Variants in ZBTB40 observed in about 807,000 individuals in gnomAD.
ZBTB40 encodes zinc finger and BTB domain-containing protein 40.
ZBTB40 carries 60 observed loss-of-function variants against 117.5 expected under a neutral mutation model. The observed-to-expected ratio is 0.51, with a 90% CI of 0.41 to 0.63. The LOEUF is 0.63. Among genes scored for constraint, ZBTB40 ranks in the 30% least tolerant of loss-of-function variants. ZBTB40 has a pLI of 0.00. For missense variants in ZBTB40, 1,287 were observed against 1,498.5 expected, an observed-to-expected ratio of 0.86 and a Z score of 2.33; for synonymous variants, 525 against 577.1, an observed-to-expected ratio of 0.91 and a Z score of 1.29.
At chr1:22,510,849 A>G (rs1029215577) in intron 9 of ZBTB40, among the ~76,000 whole-genome samples, 2 of 152,218 alleles carry the variant, frequency 1.3e-5, no homozygotes, top group African/African-American at 4.8e-5. Flanking sequence ...TCAAGCTTTT[A>G]GTATTAAGAT....
Position 22,516,901 on chromosome 1 carries a change from C to G in ZBTB40, c.2669-399C>G, listed in dbSNP as rs114886349. On this transcript the variant is annotated intron_variant, in intron 12 of 17. Coordinates refer to ENST00000375647, the MANE Select transcript of ZBTB40 (RefSeq NM_014870.4). ...TTCATTCCTCTCTGAATCCACGACTCTCACCTTTGTGCACAGTTGCAGATC... is the reference window on the plus strand; with the variant it reads ...TTCATTCCTCTCTGAATCCACGACTGTCACCTTTGTGCACAGTTGCAGATC... Among the ~76,000 whole-genome samples the G allele has an allele frequency of 1.8e-3, 270 of 151,944 alleles. 2 individuals are homozygous for G. Among genetic ancestry groups the G allele is most frequent in the African/African-American group, 6.3e-3 (262 of 41,418 alleles).
intron 16 of ZBTB40, among the ~76,000 whole-genome samples, chr1:22,522,968 G>C (rs12028525): frequency 1.7e-5 from 1 of 59,640 alleles, no homozygotes; most frequent in South Asian, 8.0e-4. Context: ...TTTTTTTTGA[G>C]ATGGAGTCTC....
At chr1:22,522,945 C>CTTTTTTTTTTTTTTTT (rs34232963) in intron 16 of ZBTB40, among the ~76,000 whole-genome samples, 3 of 93,910 alleles carry the variant, frequency 3.2e-5, no homozygotes, top group African/African-American at 3.9e-5. Flanking sequence ...TAAGATGTAC[C>CTTTTTTTTTTTTTTTT]TTTTTTTTTT....
chr1:22,522,822 G>A (rs1213300451), intron 16 of ZBTB40, among the ~76,000 whole-genome samples: 1 of 150,782 alleles, frequency 6.6e-6, no homozygotes, highest in Admixed American at 6.6e-5. Context: ...CTGGAGTGCA[G>A]TGGTGCGATC....
At chr1:22,467,391 A>T (rs1641281401) in intron 1 of ZBTB40, among the ~76,000 whole-genome samples, 1 of 152,182 alleles carries the variant, frequency 6.6e-6, no homozygotes, top group Non-Finnish European at 1.5e-5. Context: ...TTGTTTCCTA[A>T]AAAGTTTTAC....
At chr1:22,452,678 G>C (rs1640909775) in intron 1 of ZBTB40, 1 of 152,264 alleles carries the variant, frequency 6.6e-6, no homozygotes, top group Admixed American at 6.5e-5. Flanking sequence ...ACTGACCCCT[G>C]CCCTAAACAC....
At chr1:22,432,355 C>T (rs892407703) in intron 1 of ZBTB40, among the ~76,000 whole-genome samples, 24 of 152,238 alleles carry the variant, frequency 1.6e-4, no homozygotes, top group African/African-American at 5.8e-4. Context: ...CTCTCCTAAC[C>T]TTGTCCCTTC....
At chr1:22,517,169 C>T in intron 12 of ZBTB40, 131 bp from the exon 13 acceptor site, 1 of 1,307,034 alleles carries the variant, frequency 7.7e-7, no homozygotes. Flanking sequence ...CAGCGTATTG[C>T]AGACTGCCTG....
chr1:22,514,019 G>A (rs2124462339), intron 12 of ZBTB40, among the ~76,000 whole-genome samples: 1 of 152,346 alleles, frequency 6.6e-6, no homozygotes, highest in African/African-American at 2.4e-5. Context: ...ATTCCTGTGT[G>A]CCCATAGCTT....
At position 22,530,716 on chromosome 1, in the gene ZBTB40, G is replaced by C. The variant is rs1373862406; in HGVS notation, c.*4320G>C. 1 of 152,284 alleles carries C rather than the reference G, an allele frequency of 6.6e-6. No homozygotes were observed. The highest frequency in any genetic ancestry group is 1.9e-4 in the East Asian group (1 of 5,314). The allele number at this position is 152,284 out of a possible 1,614,324, so 9.4% of individuals were successfully genotyped here. ...AATTAGGCTACATGAGTTTCAAATG[G>C]ACTGTGATGTTATAGACCTGCTTTC... On this transcript the variant is annotated 3_prime_UTR_variant, in exon 18 of 18. Coordinates refer to ENST00000375647, the MANE Select transcript of ZBTB40 (RefSeq NM_014870.4).
At chr1:22,508,781 T>G in intron 8 of ZBTB40, 50 bp downstream of exon 8, 4 of 1,561,378 alleles carry the variant, frequency 2.6e-6, no homozygotes, top group Non-Finnish European at 3.5e-6. Flanking sequence ...GAGATGACTG[T>G]CAGTCTTCCT....
At chr1:22,515,735 T>G (rs1323385337) in intron 12 of ZBTB40, among the ~76,000 whole-genome samples, 1 of 152,176 alleles carries the variant, frequency 6.6e-6, no homozygotes, top group Admixed American at 6.5e-5. Context: ...AAAGTCCTTT[T>G]GCCATGTATG....
chr1:22,450,996 T>C (rs1163485719), upstream of ZBTB40, among the ~76,000 whole-genome samples: 1 of 152,152 alleles, frequency 6.6e-6, no homozygotes, highest in Non-Finnish European at 1.5e-5. Context: ...TACTGCTGGA[T>C]CTGATTTAAA....
At position 22,506,222 on chromosome 1, in the gene ZBTB40, C is replaced by T; in HGVS notation, c.1341C>T (p.Ala447=). 1.2e-6 allele frequency: 2 copies of T among 1,614,176 alleles called. No individual in the cohort carries two copies. Among genetic ancestry groups the T allele is most frequent in the Non-Finnish European group, 1.7e-6 (2 of 1,180,034 alleles). ...GLLLEKLQKS[A]TLPSTTVQPS... ...TGCTAGAGAAGTTGCAGAAATCAGC[C>T]ACTTTGCCAAGCACCACAGGTATTA... Residue 447 remains alanine (A), a synonymous_variant, in exon 6 of 18, where the codon GCC becomes GCT. Transcript: ENST00000375647.
chr1:22,507,641 T>C (rs72873538), intron 6 of ZBTB40, among the ~76,000 whole-genome samples: 233 of 152,302 alleles, frequency 1.5e-3, no homozygotes, highest in African/African-American at 5.4e-3. Flanking sequence ...TGCTCGTCTT[T>C]AGGATCGCCA....
intron 12 of ZBTB40, 124 bp from the exon 13 acceptor site, chr1:22,517,176 C>T: frequency 2.2e-6 from 3 of 1,370,132 alleles, no homozygotes; most frequent in Non-Finnish European, 3.1e-6. Context: ...TTGCAGACTG[C>T]CTGATGTTTT....
At chr1:22,438,012 C>T (rs934917949) in intron 1 of ZBTB40, among the ~76,000 whole-genome samples, 1 of 152,076 alleles carries the variant, frequency 6.6e-6, no homozygotes, top group Non-Finnish European at 1.5e-5. Flanking sequence ...TGCCGGTAAT[C>T]CCAGCTACTT....
Position 22,507,992 on chromosome 1 carries a change from T to C in ZBTB40, c.1361-9T>C. 1 of 1,614,128 alleles carries C rather than the reference T, an allele frequency of 6.2e-7. No homozygotes were observed. The highest frequency in any genetic ancestry group is 2.2e-5 in the East Asian group (1 of 44,876). ...ATCAAACATTATTGTTTTGCTAATA[T>C]CCTTACAGTCCAACCAAGCCCTGAT... On this transcript the variant is annotated splice_polypyrimidine_tract_variant and intron_variant, in intron 6 of 17. Coordinates refer to ENST00000375647, the MANE Select transcript of ZBTB40 (RefSeq NM_014870.4).
intron 3 of ZBTB40, among the ~76,000 whole-genome samples, chr1:22,497,616 C>T (rs1429313164): frequency 6.6e-6 from 1 of 152,176 alleles, no homozygotes. Flanking sequence ...TCTTTATATT[C>T]ATTGAGACCA....
Sources: gnomAD v4.1 joint callset for allele counts (sites outside exome capture counted in the v4.1 genomes callset) on GRCh38, gnomAD v4.1.1 for gene constraint, MANE v1.5 for transcripts, NCBI Gene and HGNC (gene_info 2026-07-23, HGNC 2026-07-21) for gene names.